The following SHTN1 variants were observed in gnomAD, a reference collection of about 807,000 sequenced individuals.
SHTN1 encodes the protein shootin-1.
SHTN1 carries 42 observed loss-of-function variants against 83.1 expected under a neutral mutation model. The ratio of observed to expected loss-of-function variants is 0.51; its 90% CI spans 0.39 to 0.65. The LOEUF is 0.65. SHTN1 is among the 30% of genes least tolerant of loss of function. The probability of loss-of-function intolerance (pLI) is 0.00; values close to 1 mark genes in which losing one functional copy is unlikely to be tolerated. For synonymous variants in SHTN1, 224 were observed against 247.7 expected, an observed-to-expected ratio of 0.90 and a Z score of 0.90; for missense variants, 622 against 737.8, an observed-to-expected ratio of 0.84 and a Z score of 1.82.
intron 16 of SHTN1, among the ~76,000 whole-genome samples, chr10:116,887,796 G>A (rs769873109): frequency 2.6e-5 from 4 of 152,136 alleles, no homozygotes; most frequent in African/African-American, 9.7e-5. Flanking sequence ...TGGACTAAAC[G>A]AATGGGCAAA....
At chr10:117,085,568 T>A (rs936562462) in intron 1 of SHTN1, among the ~76,000 whole-genome samples, 3 of 152,232 alleles carry the variant, frequency 2.0e-5, no homozygotes, top group African/African-American at 7.2e-5. Flanking sequence ...GAATGTTTCA[T>A]GTGAGCTCAA....
In SHTN1 at chr10:117,005,123, G is replaced by C; in HGVS notation, c.-44C>G. On this transcript the variant is annotated 5_prime_UTR_variant, in exon 1 of 17. Transcript: ENST00000355371. Reference sequence around the variant, plus strand: ...GAATAAAAGGGAAAGAGGGAGCGGCGCGGGGCACACAGGAGGAGGGGGAAG... The same window carrying C: ...GAATAAAAGGGAAAGAGGGAGCGGCCCGGGGCACACAGGAGGAGGGGGAAG... 1 of 1,569,036 alleles carries C rather than the reference G, an allele frequency of 6.4e-7. No homozygotes were observed. Among genetic ancestry groups the C allele is most frequent in the East Asian group, 2.3e-5 (1 of 43,250 alleles).
chr10:116,886,386 GTCT>G lies in SHTN1; in HGVS notation c.1851_1853del (p.Glu617del). On this transcript the variant is annotated inframe_deletion, in exon 17 of 17. Coordinates refer to ENST00000355371, the MANE Select transcript of SHTN1 (RefSeq NM_001127211.3). ...CTGTCTCTCTCACGTTTTCAATGCT[GTCT>G]TCTTTGTTTTCTGGTTGAATTTCGC... The G allele has an allele frequency of 6.4e-7, 1 of 1,566,592 alleles. No individual in the cohort carries two copies. The highest frequency in any genetic ancestry group is 8.7e-7 in the Non-Finnish European group (1 of 1,153,824).
At position 116,885,354 on chromosome 10, in the gene SHTN1, A is replaced by G. The variant is rs1049137083; in HGVS notation, c.*990T>C. The G allele has an allele frequency of 6.6e-6, 1 of 152,582 alleles. No homozygotes were observed. The highest frequency in any genetic ancestry group is 2.4e-5 in the African/African-American group (1 of 41,428). 9.5% of individuals were successfully genotyped at this position (152,582 alleles called of 1,614,324 possible). On this transcript the variant is annotated 3_prime_UTR_variant, in exon 17 of 17. Coordinates refer to ENST00000355371, the MANE Select transcript of SHTN1 (RefSeq NM_001127211.3). The stretch of plus-strand genomic sequence containing the variant: ...ACAATCAACTTTGAAAAGCTGCATA[A>G]GTTTTTTTTTTAATCCCTGATTACA...
chr10:117,077,786 T>C (rs924854975), intron 1 of SHTN1, among the ~76,000 whole-genome samples: 3 of 152,142 alleles, frequency 2.0e-5, no homozygotes, highest in Non-Finnish European at 2.9e-5. Context: ...GCTTCATCCA[T>C]GTCCCTACAA....
chr10:116,952,669 A>C (rs1277808113), intron 5 of SHTN1, among the ~76,000 whole-genome samples: 5 of 152,340 alleles, frequency 3.3e-5, no homozygotes, highest in Admixed American at 6.5e-5. Flanking sequence ...CTGGTGTTAA[A>C]GTTACTTCTG....
chr10:116,929,580 T>C (rs1465017173), intron 10 of SHTN1, among the ~76,000 whole-genome samples: 1 of 152,198 alleles, frequency 6.6e-6, no homozygotes, highest in African/African-American at 2.4e-5. Context: ...CTTCCTAGGC[T>C]AACGGTATCT....
intron 1 of SHTN1, among the ~76,000 whole-genome samples, chr10:117,075,012 CTT>C (rs1033787286): frequency 1.4e-4 from 22 of 152,216 alleles, no homozygotes; most frequent in African/African-American, 4.1e-4. Flanking sequence ...GAAAAAGACT[CTT>C]TTGCATTTCC....
intron 11 of SHTN1, 82 bp downstream of exon 11, chr10:116,927,710 T>A: frequency 7.1e-7 from 1 of 1,411,690 alleles, no homozygotes; most frequent in Non-Finnish European, 9.3e-7. Flanking sequence ...GTATCTTTCA[T>A]GCTTTTAAGA....
At chr10:116,934,761 G>C (rs1189725118) in intron 9 of SHTN1, among the ~76,000 whole-genome samples, 1 of 152,130 alleles carries the variant, frequency 6.6e-6, no homozygotes, top group African/African-American at 2.4e-5. Flanking sequence ...ACTCTGGGCA[G>C]TACAGCCATT....
intron 2 of SHTN1, among the ~76,000 whole-genome samples, chr10:117,010,939 A>G (rs1427948923): frequency 1.3e-5 from 2 of 152,218 alleles, no homozygotes; most frequent in African/African-American, 4.8e-5. Flanking sequence ...GATAAAGGGC[A>G]TCTGTAAAGA....
intron 1 of SHTN1, among the ~76,000 whole-genome samples, chr10:117,054,683 A>G (rs1852801853): frequency 6.6e-6 from 1 of 152,052 alleles, no homozygotes; most frequent in African/African-American, 2.4e-5. Flanking sequence ...CTGGGATTAC[A>G]GCCGTGAGCC....
At chr10:117,071,233 C>A (rs986433691) in intron 1 of SHTN1, among the ~76,000 whole-genome samples, 4 of 152,070 alleles carry the variant, frequency 2.6e-5, no homozygotes. Flanking sequence ...ATGTTTGACA[C>A]TTTGCATTGG....
chr10:117,006,911 GA>G (rs955512583), upstream of SHTN1, among the ~76,000 whole-genome samples: 6 of 146,162 alleles, frequency 4.1e-5, no homozygotes, highest in Admixed American at 2.0e-4. Flanking sequence ...CTAAAATTTT[GA>G]AAAAAAAAAT....
At chr10:116,991,987 C>T (rs1851452698) in intron 1 of SHTN1, among the ~76,000 whole-genome samples, 1 of 151,912 alleles carries the variant, frequency 6.6e-6, no homozygotes, top group South Asian at 2.1e-4. Flanking sequence ...ACAAAAAATA[C>T]CCATACTAGC....
At chr10:117,007,541 T>C (rs10749231), upstream of SHTN1, among the ~76,000 whole-genome samples, 129,799 of 134,924 alleles carry the variant, frequency 0.96, 62,606 homozygotes, top group Non-Finnish European at 1. Context: ...GGTGACAGAG[T>C]GAGACTCCAT....
At position 117,065,704 on chromosome 10, in the gene SHTN1, CGAGAGA is replaced by C. The variant is rs61337046; in HGVS notation, c.-188-17200_-188-17195del. On this transcript the variant is annotated intron_variant, in intron 1 of 17. Coordinates refer to the SHTN1 transcript ENST00000392901. ...CTGCAGTCTAGCCTGGGCAACAAAG[CGAGAGA>C]GAGAGAGAGAGAGAGATGAAAGAAA... is the stretch of plus-strand genomic sequence containing the variant. 1.4e-3 allele frequency among the ~76,000 whole-genome samples: 113 copies of C among 79,630 alleles called. 3 individuals carry two copies. The highest frequency in any genetic ancestry group is 0.013 in the Admixed American group (83 of 6,270). 52.2% of individuals were successfully genotyped at this position (79,630 alleles called of 152,430 possible).
intron 1 of SHTN1, among the ~76,000 whole-genome samples, chr10:117,112,384 G>A (rs1158777507): frequency 6.6e-6 from 1 of 152,078 alleles, no homozygotes; most frequent in Non-Finnish European, 1.5e-5. Flanking sequence ...ACAAAGGTTG[G>A]TATCACATAT....
At chr10:117,109,424 AT>A (rs1235418044) in intron 1 of SHTN1, among the ~76,000 whole-genome samples, 3 of 152,032 alleles carry the variant, frequency 2.0e-5, no homozygotes, top group Non-Finnish European at 4.4e-5. Flanking sequence ...TTTCGTAAAA[AT>A]TTCAGATTGG....
Sources: gnomAD v4.1 joint callset for allele counts (sites outside exome capture counted in the v4.1 genomes callset) on GRCh38, gnomAD v4.1.1 for gene constraint, MANE v1.5 for transcripts, NCBI Gene and HGNC (gene_info 2026-07-23, HGNC 2026-07-21) for gene names.